The following DTNB variants were observed in gnomAD, a reference collection of about 807,000 sequenced individuals.
DTNB encodes the protein dystrobrevin beta.
In DTNB, 63 loss-of-function variants were observed where a neutral mutation model predicts 90.7. The observed-to-expected ratio is 0.69, with a 90% CI of 0.57 to 0.86. The LOEUF (loss-of-function observed/expected upper bound fraction) is 0.86. Ranked by LOEUF, DTNB falls within the 40% of genes least tolerant of loss-of-function variation. DTNB has a pLI of 0.00. For missense variants in DTNB, 744 were observed against 807.1 expected (o/e 0.92, Z 0.95); for synonymous variants, 277 against 286.7 (o/e 0.97, Z 0.34).
intron 8 of DTNB, among the ~76,000 whole-genome samples, chr2:25,533,459 C>T (rs1450572654): frequency 1.3e-5 from 2 of 152,192 alleles, no homozygotes; most frequent in African/African-American, 2.4e-5. Flanking sequence ...CCCAACAAGT[C>T]GTGATGTGAC....
At chr2:25,615,628 C>CCGGGCAGCGATCAAA (rs1214965482) in intron 4 of DTNB, among the ~76,000 whole-genome samples, 1 of 152,102 alleles carries the variant, frequency 6.6e-6, no homozygotes, top group Admixed American at 6.5e-5. Context: ...TCTCAGGAAC[C>CCGGGCAGCGATCAAA]CGGGCAGCGA....
intron 8 of DTNB, among the ~76,000 whole-genome samples, chr2:25,551,102 T>C (rs1450767626): frequency 2.6e-5 from 4 of 152,238 alleles, no homozygotes; most frequent in Non-Finnish European, 5.9e-5. Flanking sequence ...TTGGAAGAAC[T>C]TCTTCTCACC....
intron 9 of DTNB, among the ~76,000 whole-genome samples, chr2:25,517,282 G>C (rs1005478348): frequency 2.6e-5 from 4 of 152,216 alleles, no homozygotes; most frequent in African/African-American, 9.6e-5. Context: ...AGGGCTGGAA[G>C]TGGGAGCTGG....
chr2:25,578,714 T>C (rs1572865081), intron 7 of DTNB, among the ~76,000 whole-genome samples: 1 of 152,196 alleles, frequency 6.6e-6, no homozygotes, highest in East Asian at 1.9e-4. Context: ...GTATAAGTAT[T>C]ATTTTGGTAA....
chr2:25,443,606 C>T (rs1004920644), intron 12 of DTNB, among the ~76,000 whole-genome samples: 2 of 152,200 alleles, frequency 1.3e-5, no homozygotes, highest in Non-Finnish European at 2.9e-5. Flanking sequence ...CCAGGGGCAG[C>T]CTGCCCATCA....
At chr2:25,439,008 G>C (rs574891098) in intron 12 of DTNB, among the ~76,000 whole-genome samples, 35 of 152,224 alleles carry the variant, frequency 2.3e-4, no homozygotes, top group African/African-American at 8.4e-4. Flanking sequence ...CAAAAACAAG[G>C]AAAGTCAGAG....
chr2:25,597,312 C>G (rs2064852502), intron 5 of DTNB, among the ~76,000 whole-genome samples: 1 of 151,452 alleles, frequency 6.6e-6, no homozygotes, highest in South Asian at 2.1e-4. Flanking sequence ...GCACTCCAGC[C>G]TGGGTGACAG....
intron 9 of DTNB, 92 bp from the exon 10 acceptor site, chr2:25,482,965 A>T: frequency 7.7e-7 from 1 of 1,291,862 alleles, no homozygotes; most frequent in Non-Finnish European, 1.0e-6. Flanking sequence ...AAAGGGACCA[A>T]TCATCATTCG....
intron 8 of DTNB, among the ~76,000 whole-genome samples, chr2:25,554,730 T>C (rs947899479): frequency 6.6e-6 from 1 of 152,072 alleles, no homozygotes; most frequent in East Asian, 1.9e-4. Flanking sequence ...CACATCAACA[T>C]GGAGATCATT....
intron 2 of DTNB, among the ~76,000 whole-genome samples, chr2:25,645,667 C>T (rs1432541096): frequency 6.6e-6 from 1 of 151,996 alleles, no homozygotes; most frequent in Non-Finnish European, 1.5e-5. Flanking sequence ...TCTCAAACTC[C>T]TAGGCTCAAG....
intron 9 of DTNB, among the ~76,000 whole-genome samples, chr2:25,517,024 A>G (rs1421761159): frequency 1.3e-5 from 2 of 152,272 alleles, no homozygotes; most frequent in African/African-American, 2.4e-5. Context: ...AGCGTTATTC[A>G]TAAGAGTCAA....
intron 6 of DTNB, among the ~76,000 whole-genome samples, chr2:25,588,370 T>TG (rs1459866756): frequency 7.0e-6 from 1 of 142,980 alleles, no homozygotes; most frequent in African/African-American, 2.5e-5. Flanking sequence ...TTCCGAGAAC[T>TG]TTTTTTTTTT....
chr2:25,464,155 C>T (rs111237518), intron 10 of DTNB, among the ~76,000 whole-genome samples: 12,708 of 152,258 alleles, frequency 0.083, 744 homozygotes, highest in Non-Finnish European at 0.13. Flanking sequence ...GTGATCTGCC[C>T]GCCTTGGCCT....
chr2:25,596,371 T>A, intron 5 of DTNB, 131 bp from the exon 6 acceptor site: 2 of 1,115,144 alleles, frequency 1.8e-6, no homozygotes, highest in Non-Finnish European at 2.4e-6. Flanking sequence ...TGACTTTTAG[T>A]TAATATTAAA....
chr2:25,465,986 A>G (rs1004154813), intron 10 of DTNB, among the ~76,000 whole-genome samples: 1 of 152,210 alleles, frequency 6.6e-6, no homozygotes, highest in African/African-American at 2.4e-5. Context: ...GTGCTCAGCA[A>G]ATATTTGCTG....
At chr2:25,450,431 A>G (rs546705608) in intron 12 of DTNB, among the ~76,000 whole-genome samples, 2 of 152,258 alleles carry the variant, frequency 1.3e-5, no homozygotes, top group African/African-American at 4.8e-5. Context: ...CCAGTATCTT[A>G]CTTTCTTGAT....
At chr2:25,473,703 A>G (rs1344752192) in intron 10 of DTNB, among the ~76,000 whole-genome samples, 1 of 152,214 alleles carries the variant, frequency 6.6e-6, no homozygotes, top group African/African-American at 2.4e-5. Flanking sequence ...TCTGGTTCCC[A>G]ACCTTGTTCT....
At chr2:25,430,647 C>A (rs1002399744) in intron 14 of DTNB, among the ~76,000 whole-genome samples, 1 of 152,068 alleles carries the variant, frequency 6.6e-6, no homozygotes, top group African/African-American at 2.4e-5. Context: ...AGTGATAATG[C>A]GACAATATTG....
At chr2:25,578,716 T>A (rs2061093602) in intron 7 of DTNB, among the ~76,000 whole-genome samples, 1 of 152,198 alleles carries the variant, frequency 6.6e-6, no homozygotes, top group African/African-American at 2.4e-5. Context: ...ATAAGTATTA[T>A]TTTGGTAAAG....
Sources: allele counts gnomAD v4.1 joint callset (sites outside exome capture counted in the v4.1 genomes callset), GRCh38; gene constraint gnomAD v4.1.1; transcripts MANE v1.5; gene names NCBI Gene and HGNC (gene_info 2026-07-23, HGNC 2026-07-21).